Variants in CNTNAP2 observed in about 807,000 individuals in gnomAD.
The protein encoded by CNTNAP2 is contactin-associated protein-like 2.
CNTNAP2 carries 98 observed loss-of-function variants against 155.2 expected under a neutral mutation model. That is an observed-to-expected ratio of 0.63 (90% CI 0.54 to 0.75). CNTNAP2 has a LOEUF of 0.75. Ranked by LOEUF, CNTNAP2 falls within the 30% of genes least tolerant of loss-of-function variation. The pLI, the probability that CNTNAP2 is intolerant of heterozygous loss-of-function variation, is 0.00. For missense variants in CNTNAP2, 1,727 were observed against 1,688.1 expected (o/e 1.02, Z -0.40); for synonymous variants, 651 against 631.2 (o/e 1.03, Z -0.47).
intron 22 of CNTNAP2, among the ~76,000 whole-genome samples, chr7:148,387,714 CTTTAAAACTACCTGGGGAGCTT>C (rs1278603210): frequency 2.6e-5 from 4 of 152,114 alleles, no homozygotes; most frequent in Admixed American, 2.6e-4. Context: ...CTGGGAAGCA[CTTTAAAACTACCTGGGGAGCTT>C]TTTAAAACCC....
intron 1 of CNTNAP2, among the ~76,000 whole-genome samples, chr7:146,233,490 G>C (rs780711793): frequency 1.3e-5 from 2 of 151,314 alleles, no homozygotes; most frequent in Non-Finnish European, 2.9e-5. Context: ...TATACTTTAA[G>C]TTTTAGGGTA....
intron 1 of CNTNAP2, among the ~76,000 whole-genome samples, chr7:146,117,558 T>C (rs533873652): frequency 2.6e-5 from 4 of 152,322 alleles, no homozygotes; most frequent in African/African-American, 9.6e-5. Flanking sequence ...TTTGATATCA[T>C]GGATATGACT....
Position 148,191,623 on chromosome 7 carries a change from C to A in CNTNAP2, c.3010+19145C>A, listed in dbSNP as rs1795204074. 2.0e-5 allele frequency among the ~76,000 whole-genome samples: 3 copies of A among 152,252 alleles called. No homozygotes were observed. The South Asian group carries it at 6.2e-4, about 32-fold the overall frequency. ...TGAGGGCCCTCTTCTGGATTGCAGG[C>A]TGCTGACTTACTGTTGTTTCTTCAT... On this transcript the variant is annotated intron_variant, in intron 18 of 23. Transcript: ENST00000361727.
At chr7:146,926,456 A>T (rs941529594) in intron 3 of CNTNAP2, among the ~76,000 whole-genome samples, 1 of 152,128 alleles carries the variant, frequency 6.6e-6, no homozygotes, top group Non-Finnish European at 1.5e-5. Flanking sequence ...TCCATGAATT[A>T]GACTGTGAGT....
intron 10 of CNTNAP2, among the ~76,000 whole-genome samples, chr7:147,454,567 T>C (rs955173586): frequency 6.6e-6 from 1 of 152,112 alleles, no homozygotes; most frequent in Non-Finnish European, 1.5e-5. Context: ...GCCCTATAAC[T>C]TCAAGGATAC....
At chr7:148,033,880 C>G (rs78108740) in intron 15 of CNTNAP2, among the ~76,000 whole-genome samples, 1,987 of 152,232 alleles carry the variant, frequency 0.013, 31 homozygotes, top group African/African-American at 0.046. Context: ...CTTCTTCTTA[C>G]CCCCTCCTAT....
At chr7:147,647,229 G>A (rs1795380825) in intron 13 of CNTNAP2, among the ~76,000 whole-genome samples, 1 of 151,262 alleles carries the variant, frequency 6.6e-6, no homozygotes, top group Non-Finnish European at 1.5e-5. Context: ...TAGAACTCCT[G>A]AGCTCAGGCA....
At chr7:147,313,010 C>T (rs1210282232) in intron 9 of CNTNAP2, among the ~76,000 whole-genome samples, 1 of 139,318 alleles carries the variant, frequency 7.2e-6, no homozygotes, top group African/African-American at 2.9e-5. Context: ...CTCTGATAGC[C>T]AGTGATGATG....
In CNTNAP2 at chr7:146,683,056, C is replaced by T. The variant is rs1052881630; in HGVS notation, c.98-91215C>T. ...TAAAGTCTTTTTCTTTTTTTTGAGA[C>T]AGAGTCTCTCTCTGACACTGAGGCT... On this transcript the variant is annotated intron_variant, in intron 1 of 23. Transcript: ENST00000361727. Among the ~76,000 whole-genome samples, 15 of 145,264 alleles carry T rather than the reference C, an allele frequency of 1.0e-4. No individual in the cohort carries two copies. The East Asian group carries it at 1.2e-3, about 11-fold the overall frequency.
intron 5 of CNTNAP2, among the ~76,000 whole-genome samples, chr7:147,114,389 T>G (rs1800942838): frequency 6.6e-6 from 1 of 152,208 alleles, no homozygotes; most frequent in African/African-American, 2.4e-5. Flanking sequence ...CTCGATGATC[T>G]GTCTAATATT....
chr7:147,470,731 C>A (rs1364421722), intron 10 of CNTNAP2, among the ~76,000 whole-genome samples: 1 of 151,952 alleles, frequency 6.6e-6, no homozygotes, highest in Non-Finnish European at 1.5e-5. Context: ...ATTTCAGAGG[C>A]AAAAATATGC....
At chr7:147,358,605 A>G (rs149619482) in intron 9 of CNTNAP2, among the ~76,000 whole-genome samples, 60 of 152,242 alleles carry the variant, frequency 3.9e-4, no homozygotes, top group African/African-American at 1.4e-3. Context: ...TAGATGATGA[A>G]TATTAGTATC....
chr7:147,541,665 A>G (rs1483033180), intron 11 of CNTNAP2, among the ~76,000 whole-genome samples: 1 of 152,192 alleles, frequency 6.6e-6, no homozygotes, highest in East Asian at 1.9e-4. Flanking sequence ...CAGGTCATGA[A>G]TTATTCAAAA....
chr7:146,479,915 G>A (rs999765786), intron 1 of CNTNAP2, among the ~76,000 whole-genome samples: 1 of 152,146 alleles, frequency 6.6e-6, no homozygotes, highest in African/African-American at 2.4e-5. Flanking sequence ...CTCCAGAGTA[G>A]CTGGGATTAC....
At position 147,949,440 on chromosome 7, in the gene CNTNAP2, G is replaced by GTGTATATATATATA. The variant is rs374972144; in HGVS notation, c.2256-28421_2256-28420insGTATATATATATAT. On this transcript the variant is annotated intron_variant, in intron 14 of 23. Coordinates refer to ENST00000361727, the MANE Select transcript of CNTNAP2 (RefSeq NM_014141.6). ...TGTGTTGTTCAAGGATCAACTGTGT[G>GTGTATATATATATA]TATATATATATATATATATTTTTTT... Among the ~76,000 whole-genome samples the GTGTATATATATATA allele has an allele frequency of 2.9e-3, 375 of 127,326 alleles. 2 individuals are homozygous for GTGTATATATATATA. The highest frequency in any genetic ancestry group is 9.7e-3 in the African/African-American group (353 of 36,478). The allele number at this position is 127,326 out of a possible 152,430, so 83.5% of individuals were successfully genotyped here.
At chr7:147,334,012 A>G (rs149777439) in intron 9 of CNTNAP2, among the ~76,000 whole-genome samples, 79 of 152,270 alleles carry the variant, frequency 5.2e-4, no homozygotes, top group African/African-American at 1.8e-3. Context: ...AGCCATGAAA[A>G]TCTTTCAAGG....
chr7:148,114,696 TG>T (rs1804428083), intron 15 of CNTNAP2, among the ~76,000 whole-genome samples: 1 of 152,240 alleles, frequency 6.6e-6, no homozygotes, highest in South Asian at 2.1e-4. Flanking sequence ...ATTTATTATT[TG>T]TACCACACTC....
chr7:147,441,880 C>T (rs889565050), intron 10 of CNTNAP2, among the ~76,000 whole-genome samples: 12 of 136,640 alleles, frequency 8.8e-5, no homozygotes, highest in Admixed American at 6.3e-4. Flanking sequence ...TCCCTCCCTC[C>T]GTCTCTCTCT....
intron 13 of CNTNAP2, among the ~76,000 whole-genome samples, chr7:147,713,358 A>G (rs1384635036): frequency 6.6e-6 from 1 of 152,050 alleles, no homozygotes; most frequent in Non-Finnish European, 1.5e-5. Context: ...TGATAACCTG[A>G]TCCATTTCCT....
Sources: gnomAD v4.1 joint callset for allele counts (sites outside exome capture counted in the v4.1 genomes callset) on GRCh38, gnomAD v4.1.1 for gene constraint, MANE v1.5 for transcripts, NCBI Gene and HGNC (gene_info 2026-07-23, HGNC 2026-07-21) for gene names.